Variants in TEC observed in about 807,000 individuals in gnomAD.
The protein encoded by TEC is tyrosine-protein kinase Tec.
In TEC, 72 loss-of-function variants were observed where a neutral mutation model predicts 93.0. The observed-to-expected ratio is 0.77, with a 90% CI of 0.64 to 0.94. The LOEUF (loss-of-function observed/expected upper bound fraction) is 0.94. Ranked by LOEUF, TEC falls within the 40% of genes least tolerant of loss-of-function variation. The pLI is 0.00. For missense variants in TEC, 630 were observed against 757.9 expected (o/e 0.83, Z 1.98); for synonymous variants, 249 against 247.7 (o/e 1.01, Z -0.05).
At chr4:48,236,432 C>G (rs1392943191) in intron 1 of TEC, among the ~76,000 whole-genome samples, 1 of 152,076 alleles carries the variant, frequency 6.6e-6, no homozygotes, top group Non-Finnish European at 1.5e-5. Context: ...CAGGCGCCCG[C>G]CACTACGCCC....
intron 1 of TEC, among the ~76,000 whole-genome samples, chr4:48,230,692 C>T (rs1331377096): frequency 6.6e-6 from 1 of 152,206 alleles, no homozygotes; most frequent in Non-Finnish European, 1.5e-5. Flanking sequence ...TAGTCTGACA[C>T]GAGAGACTGT....
intron 1 of TEC, among the ~76,000 whole-genome samples, chr4:48,230,425 A>C (rs1245749334): frequency 6.6e-6 from 1 of 152,204 alleles, no homozygotes; most frequent in Non-Finnish European, 1.5e-5. Flanking sequence ...AGAACTGACC[A>C]TGAAAATACT....
chr4:48,222,665 AC>A (rs548663490), intron 2 of TEC, among the ~76,000 whole-genome samples: 8 of 151,226 alleles, frequency 5.3e-5, no homozygotes, highest in Admixed American at 5.3e-4. Flanking sequence ...AGAGGAATTT[AC>A]CCCTTTTTCC....
intron 9 of TEC, among the ~76,000 whole-genome samples, chr4:48,151,916 T>C (rs1720186982): frequency 6.6e-6 from 1 of 152,158 alleles, no homozygotes. Flanking sequence ...AAGCAAGAAA[T>C]AGACCCTACG....
chr4:48,176,541 C>T (rs1406692912), intron 2 of TEC, among the ~76,000 whole-genome samples: 1 of 151,960 alleles, frequency 6.6e-6, no homozygotes, highest in African/African-American at 2.4e-5. Context: ...GCCAACATGG[C>T]AAAACCCCCA....
rs573848910 is a variant in TEC at position 48,144,974 on chromosome 4, T to C, written c.1470+105A>G. ...CAACTTTAAAAATAATGGTGAAAGA[T>C]TGTTAAGAACAAAAATTGGCTATTA... On this transcript the variant is annotated intron_variant, in intron 14 of 17. Coordinates refer to ENST00000381501, the MANE Select transcript of TEC (RefSeq NM_003215.3). The C allele has an allele frequency of 6.0e-5, 58 of 966,706 alleles. No homozygotes were observed. The Admixed American group carries it at 7.6e-4, about 13-fold the overall frequency. 59.9% of individuals were successfully genotyped at this position (966,706 alleles called of 1,614,324 possible). A position where few individuals can be genotyped will look rare whatever the true frequency, so the allele number is the denominator to read the frequency against.
At chr4:48,218,887 C>T (rs1339824861) in intron 2 of TEC, among the ~76,000 whole-genome samples, 1 of 152,146 alleles carries the variant, frequency 6.6e-6, no homozygotes, top group Non-Finnish European at 1.5e-5. Context: ...ATTAAAGTTT[C>T]AAGCATCTCG....
At chr4:48,183,504 G>A (rs1721679081) in intron 2 of TEC, among the ~76,000 whole-genome samples, 1 of 152,202 alleles carries the variant, frequency 6.6e-6, no homozygotes, top group South Asian at 2.1e-4. Context: ...CGATGAGGGG[G>A]CAAATAGAAC....
chr4:48,151,579 T>C (rs978206910), intron 9 of TEC, among the ~76,000 whole-genome samples: 2 of 152,202 alleles, frequency 1.3e-5, no homozygotes, highest in Non-Finnish European at 2.9e-5. Flanking sequence ...CTCCACTTCC[T>C]GGGTTCAAGC....
chr4:48,179,358 ATATATATATATATATATATTTTT>A lies in TEC; in HGVS notation c.139-3195_139-3173del, dbSNP rs1398113415. ...GGGTAGTATATATATATATATATAT[ATATATATATATATATATATTTTT>A]TTTTTTTTTTTTTTTTTTTCAAGAC... On this transcript the variant is annotated intron_variant, in intron 2 of 17. Transcript: ENST00000381501. Among the ~76,000 whole-genome samples, 88 of 35,956 alleles carry A rather than the reference ATATATATATATATATATATTTTT, an allele frequency of 2.4e-3. 1 individual carries two copies. The highest frequency in any genetic ancestry group is 0.011 in the African/African-American group (87 of 8,168). 23.6% of individuals were successfully genotyped at this position (35,956 alleles called of 152,430 possible).
At chr4:48,195,363 G>C (rs1722263461) in intron 2 of TEC, among the ~76,000 whole-genome samples, 1 of 151,406 alleles carries the variant, frequency 6.6e-6, no homozygotes, top group Non-Finnish European at 1.5e-5. Context: ...CTTTTTTTTT[G>C]AGAATAGAAA....
intron 3 of TEC, among the ~76,000 whole-genome samples, chr4:48,173,859 C>G (rs1466992): frequency 0.38 from 57,599 of 151,992 alleles, 11,932 homozygotes; most frequent in East Asian, 0.9. Context: ...CATGAAGGAG[C>G]AACCATCCCA....
At chr4:48,138,530 G>C (rs1719522688) in intron 17 of TEC, 135 bp downstream of exon 17, 1 of 955,182 alleles carries the variant, frequency 1.0e-6, no homozygotes, top group Admixed American at 2.9e-5. Context: ...GAGTTGAGAG[G>C]GTTGGCTTCC....
chr4:48,156,346 T>C (rs1321078156), intron 9 of TEC, among the ~76,000 whole-genome samples: 1 of 152,154 alleles, frequency 6.6e-6, no homozygotes, highest in Non-Finnish European at 1.5e-5. Context: ...TGTGTGTTGG[T>C]AAGAAAGGCT....
intron 2 of TEC, among the ~76,000 whole-genome samples, chr4:48,176,729 A>C (rs1291188593): frequency 6.6e-6 from 1 of 152,196 alleles, no homozygotes; most frequent in African/African-American, 2.4e-5. Context: ...TTTCAAAAAA[A>C]TACATAACTC....
chr4:48,249,284 A>C (rs1215107066), intron 1 of TEC, among the ~76,000 whole-genome samples: 1 of 152,210 alleles, frequency 6.6e-6, no homozygotes, highest in Non-Finnish European at 1.5e-5. Flanking sequence ...GGGCTGAGCT[A>C]AATAGGTTGC....
intron 2 of TEC, among the ~76,000 whole-genome samples, chr4:48,216,255 A>C (rs973402619): frequency 3.3e-5 from 5 of 151,784 alleles, no homozygotes; most frequent in African/African-American, 1.2e-4. Flanking sequence ...AAAAAAAAAA[A>C]AACAAAAAAC....
chr4:48,171,330 T>C, intron 4 of TEC, 38 bp downstream of exon 4: 1 of 1,541,474 alleles, frequency 6.5e-7, no homozygotes, highest in Non-Finnish European at 8.9e-7. Flanking sequence ...TTACATCTCC[T>C]AAAATTATAT....
At position 48,156,660 on chromosome 4, in the gene TEC, C is replaced by T; in HGVS notation, c.792+20G>A. Reference sequence around the variant, plus strand: ...AAATTAATTTGCCCTTAAGCCAAACCCACAAGTACAAACACTTACTTCACT... The same window carrying T: ...AAATTAATTTGCCCTTAAGCCAAACTCACAAGTACAAACACTTACTTCACT... On this transcript the variant is annotated intron_variant, in intron 9 of 17. Coordinates refer to ENST00000381501, the MANE Select transcript of TEC (RefSeq NM_003215.3). 6.3e-7 allele frequency: 1 copy of T among 1,598,554 alleles called. No individual in the cohort carries two copies. The highest frequency in any genetic ancestry group is 8.5e-7 in the Non-Finnish European group (1 of 1,175,842).
Sources: gnomAD v4.1 joint callset for allele counts (sites outside exome capture counted in the v4.1 genomes callset) on GRCh38, gnomAD v4.1.1 for gene constraint, MANE v1.5 for transcripts, NCBI Gene and HGNC (gene_info 2026-07-23, HGNC 2026-07-21) for gene names.